SLC30A7: variants seen among roughly 807,000 people sequenced by gnomAD.
SLC30A7 encodes zinc transporter 7.
Under a neutral mutation model 46.0 loss-of-function variants are expected in SLC30A7, and 35 were observed. The observed-to-expected ratio is 0.76, with a 90% CI of 0.58 to 1.01. SLC30A7 has a LOEUF of 1.01. Among genes scored for constraint, SLC30A7 ranks in the 50% least tolerant of loss-of-function variants. The pLI, the probability that SLC30A7 is intolerant of heterozygous loss-of-function variation, is 0.00. For synonymous variants in SLC30A7, 147 were observed against 157.8 expected, an observed-to-expected ratio of 0.93 and a Z score of 0.51; for missense variants, 464 against 451.1, an observed-to-expected ratio of 1.03 and a Z score of -0.26.
At chr1:100,933,724 T>C (rs1037747658) in intron 8 of SLC30A7, among the ~76,000 whole-genome samples, 1 of 152,208 alleles carries the variant, frequency 6.6e-6, no homozygotes. Context: ...GCTTCATCCA[T>C]GTCCCTACAA....
Position 100,913,668 on chromosome 1 carries a change from G to A in SLC30A7, c.517G>A (p.Gly173Arg), listed in dbSNP as rs1356017251. Reference protein sequence around the residue: ...GHGHSHGSGHGHSHSLFNGAL... With the variant: ...GHGHSHGSGHRHSHSLFNGAL... The stretch of plus-strand genomic sequence containing the variant: ...CCTAACACTTTGTTTTCTAGGCCAC[G>A]GACACAGTCATTCCCTCTTTAATGG... Residue 173 changes from glycine to arginine, a missense_variant, in exon 6 of 11, where the codon GGA becomes AGA. Coordinates refer to ENST00000357650, the MANE Select transcript of SLC30A7 (RefSeq NM_133496.5). The A allele has an allele frequency of 1.1e-5, 18 of 1,613,380 alleles. No individual in the cohort carries two copies. The South Asian group carries it at 1.3e-4, about 12-fold the overall frequency.
chr1:100,981,787 C>G (rs560295603), downstream of SLC30A7: 5 of 152,204 alleles, frequency 3.3e-5, no homozygotes, highest in South Asian at 1.0e-3. Flanking sequence ...GTTTGACGAA[C>G]TGAAACAAAC....
chr1:100,985,304 C>T (rs1657203532), downstream of SLC30A7, among the ~76,000 whole-genome samples: 1 of 152,164 alleles, frequency 6.6e-6, no homozygotes, highest in Non-Finnish European at 1.5e-5. Flanking sequence ...TGGTGATGTA[C>T]ACCTAGAGTC....
Position 100,971,637 on chromosome 1 carries a change from CAT to C in SLC30A7, c.1084-3170_1084-3169del, listed in dbSNP as rs1467805434. 2.6e-5 allele frequency among the ~76,000 whole-genome samples: 4 copies of C among 152,082 alleles called. No homozygotes were observed. The East Asian group carries it at 7.7e-4, about 29-fold the overall frequency. The stretch of plus-strand genomic sequence containing the variant: ...GCCAAGTACTGTGATCAGTACCTAA[CAT>C]ATTAAATGAGCCTCAAAAGACAATT... On this transcript the variant is annotated intron_variant, in intron 10 of 10. Coordinates refer to ENST00000357650, the MANE Select transcript of SLC30A7 (RefSeq NM_133496.5).
chr1:100,931,145 G>T (rs1454630738), intron 8 of SLC30A7, among the ~76,000 whole-genome samples: 1 of 152,104 alleles, frequency 6.6e-6, no homozygotes, highest in Admixed American at 6.5e-5. Flanking sequence ...TTGAACTTAA[G>T]AACCTAATTA....
rs557818917 is a variant in SLC30A7, at chr1:100,957,643, G to A, written c.843-4185G>A. On this transcript the variant is annotated intron_variant, in intron 8 of 10. Transcript: ENST00000357650. ...TGGTTTCCATGAGTGTAATTTTCAC[G>A]TCAGATATCTAAACATTGTTAATAG... 1.1e-4 allele frequency among the ~76,000 whole-genome samples: 16 copies of A among 152,226 alleles called. 1 individual carries two copies. Among genetic ancestry groups the A allele is most frequent in the Admixed American group, 4.6e-4 (7 of 15,304 alleles).
At chr1:100,899,759 C>T (rs1651184880) in intron 2 of SLC30A7, among the ~76,000 whole-genome samples, 1 of 151,836 alleles carries the variant, frequency 6.6e-6, no homozygotes, top group Non-Finnish European at 1.5e-5. Context: ...GCTAGTGTTT[C>T]AGTCATCCCT....
chr1:100,947,062 G>A (rs563827991), intron 8 of SLC30A7, among the ~76,000 whole-genome samples: 2 of 152,108 alleles, frequency 1.3e-5, no homozygotes, highest in Non-Finnish European at 1.5e-5. Context: ...AGATTTTCTA[G>A]TTTATTTGCA....
chr1:100,905,522 T>C (rs1004889504), intron 2 of SLC30A7, among the ~76,000 whole-genome samples: 4 of 152,120 alleles, frequency 2.6e-5, no homozygotes, highest in African/African-American at 9.7e-5. Context: ...TTCCTGAGAC[T>C]CTAAATACAT....
At chr1:100,906,415 T>C (rs572687388) in intron 2 of SLC30A7, among the ~76,000 whole-genome samples, 1 of 152,290 alleles carries the variant, frequency 6.6e-6, no homozygotes, top group South Asian at 2.1e-4. Flanking sequence ...CTGTCCCCAC[T>C]GTCCTCAGCC....
At chr1:100,909,809 G>C (rs1651965503) in intron 3 of SLC30A7, among the ~76,000 whole-genome samples, 2 of 152,066 alleles carry the variant, frequency 1.3e-5, no homozygotes, top group African/African-American at 2.4e-5. Flanking sequence ...AAGCACAAAA[G>C]GTTTTCAGTC....
At chr1:100,905,713 T>C (rs1401156921) in intron 2 of SLC30A7, among the ~76,000 whole-genome samples, 3 of 152,198 alleles carry the variant, frequency 2.0e-5, no homozygotes, top group Non-Finnish European at 2.9e-5. Flanking sequence ...TTCCTCCATA[T>C]TGTAATTTTT....
chr1:100,953,891 A>C (rs1220736544), intron 8 of SLC30A7, among the ~76,000 whole-genome samples: 1 of 152,222 alleles, frequency 6.6e-6, no homozygotes, highest in Non-Finnish European at 1.5e-5. Context: ...GATTGTTCCT[A>C]AGTATAATTC....
intron 6 of SLC30A7, among the ~76,000 whole-genome samples, chr1:100,914,864 G>A (rs1371927648): frequency 2.0e-5 from 3 of 151,962 alleles, no homozygotes; most frequent in Non-Finnish European, 2.9e-5. Context: ...CCCAGGAGGC[G>A]GAGGTTGCAG....
At chr1:100,916,969 A>G (rs879436556) in intron 6 of SLC30A7, among the ~76,000 whole-genome samples, 2 of 152,124 alleles carry the variant, frequency 1.3e-5, no homozygotes, top group Admixed American at 6.5e-5. Context: ...ATAGTTTGCA[A>G]ATATTTTCTG....
In SLC30A7 at chr1:100,918,097, A is replaced by T; in HGVS notation, c.676A>T (p.Thr226Ser). The change falls in exon 7 of 11, where the codon ACA becomes TCA. Residue 226 changes from threonine (T) to serine (S), a missense_variant. Transcript: ENST00000357650. ...TACAGATGGCCCGTCCTTAAAAGAAACAACAGGACCCAGCAGACAGATTTT... is the reference window on the plus strand; with the variant it reads ...TACAGATGGCCCGTCCTTAAAAGAATCAACAGGACCCAGCAGACAGATTTT... ...HSHDGPSLKE[T>S]TGPSRQILQG... The T allele has an allele frequency of 1.9e-6, 3 of 1,612,742 alleles. No individual in the cohort carries two copies. Among genetic ancestry groups the T allele is most frequent in the Non-Finnish European group, 2.5e-6 (3 of 1,179,178 alleles).
chr1:100,938,326 T>C (rs1654104398), intron 8 of SLC30A7, among the ~76,000 whole-genome samples: 1 of 152,240 alleles, frequency 6.6e-6, no homozygotes, highest in Non-Finnish European at 1.5e-5. Flanking sequence ...ATAAAATTCA[T>C]CTCAAGGGGC....
rs1432713736 is a variant in SLC30A7 at position 100,979,242 on chromosome 1, TCAC to T, written c.*4387_*4389del. The T allele has an allele frequency of 6.6e-6, 1 of 151,740 alleles. No homozygotes were observed. The highest frequency in any genetic ancestry group is 1.5e-5 in the Non-Finnish European group (1 of 67,908). The allele number at this position is 151,740 out of a possible 1,614,324, so 9.4% of individuals were successfully genotyped here. On this transcript the variant is annotated 3_prime_UTR_variant, in exon 11 of 11. Transcript: ENST00000357650. ...AAGTTAAACTTTTTTTTTCCTTTCATCACCGTCTTTGAAACAAATTATTTTCCA... is the reference window on the plus strand; with the variant it reads ...AAGTTAAACTTTTTTTTTCCTTTCATCGTCTTTGAAACAAATTATTTTCCA...
At position 100,909,603 on chromosome 1, in the gene SLC30A7, C is replaced by G. The variant is rs2101014058; in HGVS notation, c.297-1460C>G. On this transcript the variant is annotated intron_variant, in intron 3 of 10. Transcript: ENST00000357650. ...AAGTAAACACAGATATTTGTAAAGG[C>G]AAATGTGTTTAGTTTTCATGTGTTT... Among the ~76,000 whole-genome samples the G allele has an allele frequency of 1.3e-5, 2 of 152,176 alleles. 1 individual carries two copies. Among genetic ancestry groups the G allele is most frequent in the African/African-American group, 4.8e-5 (2 of 41,560 alleles).
Sources: gnomAD v4.1 joint callset for allele counts (sites outside exome capture counted in the v4.1 genomes callset) on GRCh38, gnomAD v4.1.1 for gene constraint, MANE v1.5 for transcripts, NCBI Gene and HGNC (gene_info 2026-07-23, HGNC 2026-07-21) for gene names.